The following NEK1 variants were observed in gnomAD, a reference collection of about 807,000 sequenced individuals.
The protein encoded by NEK1 is NIMA related kinase 1.
A neutral mutation model predicts 182.1 loss-of-function variants in NEK1; 137 were observed. The observed-to-expected ratio is 0.75, with a 90% CI of 0.65 to 0.87. NEK1 has a LOEUF of 0.87. Among genes scored for constraint, NEK1 ranks in the 40% least tolerant of loss-of-function variants. NEK1 has a pLI of 0.00. For missense variants in NEK1, 1,391 were observed against 1,494.4 expected (o/e 0.93, Z 1.14); for synonymous variants, 513 against 492.2 (o/e 1.04, Z -0.56).
At chr4:169,440,341 A>G (rs1343771497) in intron 27 of NEK1, among the ~76,000 whole-genome samples, 2 of 152,172 alleles carry the variant, frequency 1.3e-5, no homozygotes, top group Non-Finnish European at 2.9e-5. Context: ...AATGGTAAAA[A>G]ATTTTTTTAA....
chr4:169,605,382 C>T (rs528705909), intron 2 of NEK1, among the ~76,000 whole-genome samples: 30 of 152,262 alleles, frequency 2.0e-4, no homozygotes, highest in African/African-American at 7.2e-4. Context: ...AGACACTTTT[C>T]TGAACAACAA....
intron 26 of NEK1, among the ~76,000 whole-genome samples, chr4:169,465,908 A>C (rs1427942361): frequency 6.6e-6 from 1 of 152,172 alleles, no homozygotes; most frequent in Non-Finnish European, 1.5e-5. Flanking sequence ...AAATACAAAA[A>C]TACATAGCAC....
intron 32 of NEK1, among the ~76,000 whole-genome samples, chr4:169,403,460 C>T (rs1732036267): frequency 6.6e-6 from 1 of 152,004 alleles, no homozygotes; most frequent in South Asian, 2.1e-4. Context: ...TTCCTAGCTA[C>T]TAGGGAGTCT....
At chr4:169,569,465 T>TCCCC in intron 12 of NEK1, among the ~76,000 whole-genome samples, 1 of 57,388 alleles carries the variant, frequency 1.7e-5, no homozygotes, top group Admixed American at 2.0e-4. Flanking sequence ...CCTCTCTCCC[T>TCCCC]CCCTCCCTCT....
chr4:169,452,675 G>T (rs1445840725), intron 27 of NEK1, among the ~76,000 whole-genome samples: 2 of 152,026 alleles, frequency 1.3e-5, no homozygotes, highest in South Asian at 2.1e-4. Flanking sequence ...AAAATAATAA[G>T]AACTATTTAT....
intron 11 of NEK1, 114 bp from the exon 12 acceptor site, chr4:169,577,193 ACTTT>A: frequency 1.0e-6 from 1 of 996,772 alleles, no homozygotes; most frequent in South Asian, 1.7e-5. Context: ...AGTATTTTAA[ACTTT>A]CTATCAAATA....
intron 7 of NEK1, 131 bp downstream of exon 7, chr4:169,589,316 C>T (rs769925604): frequency 3.0e-6 from 2 of 659,124 alleles, no homozygotes; most frequent in Admixed American, 3.1e-5. Context: ...TTTCTCAGAA[C>T]ATGTCCCAAT....
At chr4:169,435,498 G>C (rs1166327230) in intron 28 of NEK1, among the ~76,000 whole-genome samples, 1 of 152,008 alleles carries the variant, frequency 6.6e-6, no homozygotes, top group African/African-American at 2.4e-5. Flanking sequence ...CATTTTGCAG[G>C]GTTTCTGGTT....
intron 19 of NEK1, among the ~76,000 whole-genome samples, chr4:169,532,129 AC>A (rs1446535871): frequency 1.3e-5 from 2 of 152,132 alleles, no homozygotes; most frequent in East Asian, 3.9e-4. Flanking sequence ...GCATGAAGAA[AC>A]TTTTAGGGGG....
chr4:169,505,484 T>A (rs532498487), intron 23 of NEK1, among the ~76,000 whole-genome samples: 66 of 152,224 alleles, frequency 4.3e-4, no homozygotes, highest in Non-Finnish European at 8.4e-4. Flanking sequence ...ATAATACACA[T>A]AACATAAAAT....
intron 27 of NEK1, among the ~76,000 whole-genome samples, chr4:169,458,649 CA>C (rs1743358658): frequency 6.6e-6 from 1 of 151,714 alleles, no homozygotes; most frequent in Admixed American, 6.6e-5. Flanking sequence ...ATCACATGGG[CA>C]AACCCTCTCT....
chr4:169,555,486 T>C, intron 18 of NEK1: 3 of 494,902 alleles, frequency 6.1e-6, no homozygotes, highest in South Asian at 4.2e-5. Context: ...TTAAATAGTA[T>C]ATTCAGTCTA....
rs1211514050 is a variant in NEK1 at position 169,393,355 on chromosome 4, T to C, written c.*1155A>G. 1 of 152,200 alleles carries C rather than the reference T, an allele frequency of 6.6e-6. No individual in the cohort carries two copies. The highest frequency in any genetic ancestry group is 1.5e-5 in the Non-Finnish European group (1 of 68,028). The allele number at this position is 152,200 out of a possible 1,614,324, so 9.4% of individuals were successfully genotyped here. On this transcript the variant is annotated 3_prime_UTR_variant, in exon 36 of 36. Coordinates refer to ENST00000507142, the MANE Select transcript of NEK1 (RefSeq NM_001199397.3). ...AAATCAAGTATTTAGTTTCGGATAT[T>C]AGAAATAATATACATAATAAATTCA...
intron 12 of NEK1, among the ~76,000 whole-genome samples, chr4:169,570,857 T>C (rs1764695109): frequency 6.6e-6 from 1 of 152,208 alleles, no homozygotes; most frequent in African/African-American, 2.4e-5. Flanking sequence ...TGCCTTGGGA[T>C]CCTGTTGATC....
At chr4:169,394,615 G>A in intron 35 of NEK1, 92 bp from the exon 36 acceptor site, 1 of 691,944 alleles carries the variant, frequency 1.4e-6, no homozygotes, top group East Asian at 3.0e-5. Flanking sequence ...AAGGAGAAGA[G>A]CTTTAATGTA....
intron 2 of NEK1, among the ~76,000 whole-genome samples, chr4:169,608,730 A>C (rs1240802340): frequency 1.3e-5 from 2 of 152,226 alleles, no homozygotes; most frequent in African/African-American, 2.4e-5. Flanking sequence ...AAATTATGTT[A>C]AAATGTGCCA....
chr4:169,607,038 G>A (rs1289198929), intron 2 of NEK1, among the ~76,000 whole-genome samples: 1 of 152,162 alleles, frequency 6.6e-6, no homozygotes, highest in Non-Finnish European at 1.5e-5. Context: ...AAAAATAATA[G>A]AAGGAGTCCA....
At chr4:169,534,312 C>A (rs982880246) in intron 19 of NEK1, among the ~76,000 whole-genome samples, 3 of 152,128 alleles carry the variant, frequency 2.0e-5, no homozygotes, top group Admixed American at 6.6e-5. Context: ...CCAACAGCTG[C>A]CCACCTTACT....
chr4:169,449,981 T>C (rs960992141), intron 27 of NEK1, among the ~76,000 whole-genome samples: 3 of 152,162 alleles, frequency 2.0e-5, no homozygotes, highest in African/African-American at 7.2e-5. Context: ...GAGAAGAACT[T>C]CAATGACCTG....
Sources: gnomAD v4.1 joint callset for allele counts (sites outside exome capture counted in the v4.1 genomes callset) on GRCh38, gnomAD v4.1.1 for gene constraint, MANE v1.5 for transcripts, NCBI Gene and HGNC (gene_info 2026-07-23, HGNC 2026-07-21) for gene names.